Variants in SKIL observed in about 807,000 individuals in gnomAD.
SKIL encodes SKI like proto-oncogene.
SKIL carries 20 observed loss-of-function variants against 69.6 expected under a neutral mutation model. That is an observed-to-expected ratio of 0.29 (90% CI 0.20 to 0.42). The LOEUF is 0.42. Ranked by LOEUF, SKIL falls within the 10% of genes least tolerant of loss-of-function variation. The probability of loss-of-function intolerance (pLI) is 1.00; values close to 1 mark genes in which losing one functional copy is unlikely to be tolerated. For missense variants in SKIL, 745 were observed against 783.1 expected (o/e 0.95, Z 0.58); for synonymous variants, 310 against 279.9 (o/e 1.11, Z -1.08).
Position 170,392,430 on chromosome 3 carries a change from AG to A in SKIL, c.*14del. ...TGCTAAAGAATAGAAACTGTTAAAG[AG>A]ATTCATCTGTGTATTACTGACAAGG... On this transcript the variant is annotated 3_prime_UTR_variant, in exon 7 of 7. Transcript: ENST00000259119. 1 of 1,582,930 alleles carries A rather than the reference AG, an allele frequency of 6.3e-7. No individual in the cohort carries two copies. The highest frequency in any genetic ancestry group is 1.8e-5 in the Admixed American group (1 of 55,758).
At position 170,363,397 on chromosome 3, in the gene SKIL, G is replaced by C. The variant is rs1317895475; in HGVS notation, c.1098+1968G>C. 3.3e-5 allele frequency among the ~76,000 whole-genome samples: 5 copies of C among 152,278 alleles called. No individual in the cohort carries two copies. The South Asian group carries it at 1.0e-3, about 32-fold the overall frequency. Reference sequence around the variant, plus strand: ...ATTTTAGACTCATTTATGGTAGTTTGCTGCTTGCTGCTTCCAGAAGACCAG... The same window carrying C: ...ATTTTAGACTCATTTATGGTAGTTTCCTGCTTGCTGCTTCCAGAAGACCAG... On this transcript the variant is annotated intron_variant, in intron 2 of 6. Transcript: ENST00000259119.
At chr3:170,391,394 CACA>C (rs1737909809) in intron 6 of SKIL, 134 bp downstream of exon 6, 1 of 594,508 alleles carries the variant, frequency 1.7e-6, no homozygotes, top group Admixed American at 3.3e-5. Flanking sequence ...CTCAGCTCCC[CACA>C]ACCTCTGCCT....
chr3:170,387,269 G>A (rs370405815), intron 4 of SKIL, among the ~76,000 whole-genome samples: 2 of 152,002 alleles, frequency 1.3e-5, no homozygotes, highest in African/African-American at 4.8e-5. Context: ...TGATCCACCC[G>A]CCTCGGCCCA....
chr3:170,391,027 A>G lies in SKIL; in HGVS notation c.1672-9A>G. The G allele has an allele frequency of 7.1e-7, 1 of 1,399,010 alleles. No individual in the cohort carries two copies. The highest frequency in any genetic ancestry group is 1.0e-6 in the Non-Finnish European group (1 of 999,518). 86.7% of individuals were successfully genotyped at this position (1,399,010 alleles called of 1,614,324 possible). A position where few individuals can be genotyped will look rare whatever the true frequency, so the allele number is the denominator to read the frequency against. On this transcript the variant is annotated splice_polypyrimidine_tract_variant and intron_variant, in intron 5 of 6. Transcript: ENST00000259119. ...AGTAAAACTTGTATTGTGATTCTTTACATTACAGGAAGTAAAAATGTTGAG... is the reference window on the plus strand; with the variant it reads ...AGTAAAACTTGTATTGTGATTCTTTGCATTACAGGAAGTAAAAATGTTGAG...
intron 2 of SKIL, 112 bp downstream of exon 2, chr3:170,361,541 A>G (rs1487549697): frequency 3.6e-6 from 3 of 824,640 alleles, no homozygotes; most frequent in Non-Finnish European, 5.8e-6. Context: ...TGCAACAACA[A>G]CAAAATACCG....
intron 5 of SKIL, among the ~76,000 whole-genome samples, chr3:170,390,780 C>G (rs1737871992): frequency 2.0e-5 from 3 of 151,994 alleles, no homozygotes; most frequent in African/African-American, 7.3e-5. Context: ...GCGCCCAGCC[C>G]CCCTGTATAT....
intron 2 of SKIL, among the ~76,000 whole-genome samples, chr3:170,365,359 C>G (rs1157846325): frequency 6.6e-6 from 1 of 152,118 alleles, no homozygotes; most frequent in African/African-American, 2.4e-5. Flanking sequence ...GTTGAGCATC[C>G]CAAATCCAAA....
At chr3:170,381,440 T>A (rs1466271664) in intron 3 of SKIL, 99 bp downstream of exon 3, 1 of 643,268 alleles carries the variant, frequency 1.6e-6, no homozygotes, top group African/African-American at 1.8e-5. Context: ...ATTATTTATT[T>A]ATTTTTTTTG....
At chr3:170,383,220 T>C (rs1030780122) in intron 3 of SKIL, among the ~76,000 whole-genome samples, 1 of 152,192 alleles carries the variant, frequency 6.6e-6, no homozygotes, top group Admixed American at 6.5e-5. Context: ...CTGAGTCTTA[T>C]TTACATTTGT....
intron 2 of SKIL, among the ~76,000 whole-genome samples, chr3:170,364,732 T>TA (rs71176561): frequency 3.0e-4 from 44 of 147,480 alleles, no homozygotes; most frequent in East Asian, 1.2e-3. Context: ...GATAAAGGTT[T>TA]AAAAAAAAAA....
chr3:170,391,263 A>G lies in SKIL; in HGVS notation c.1896+3A>G, dbSNP rs1427272097. ...AAGAGGCTGAATATGCAGGACAGGT[A>G]AGAATTACTGTTTGTATAATGGTGC... On this transcript the variant is annotated splice_donor_region_variant and intron_variant, in intron 6 of 6. Coordinates refer to ENST00000259119, the MANE Select transcript of SKIL (RefSeq NM_005414.5). 1 of 1,521,218 alleles carries G rather than the reference A, an allele frequency of 6.6e-7. No individual in the cohort carries two copies. The highest frequency in any genetic ancestry group is 1.7e-5 in the Admixed American group (1 of 57,790). 94.2% of individuals were successfully genotyped at this position (1,521,218 alleles called of 1,614,324 possible).
At chr3:170,375,136 A>G (rs1736971803) in intron 2 of SKIL, among the ~76,000 whole-genome samples, 1 of 152,232 alleles carries the variant, frequency 6.6e-6, no homozygotes, top group African/African-American at 2.4e-5. Context: ...CTGCGTAGCC[A>G]CTTAACAGGG....
At chr3:170,363,551 T>C (rs367971783) in intron 2 of SKIL, among the ~76,000 whole-genome samples, 47 of 152,126 alleles carry the variant, frequency 3.1e-4, no homozygotes, top group African/African-American at 1.1e-3. Context: ...AGTGGCGCGA[T>C]CTTGGCAGAT....
At chr3:170,378,152 A>G (rs1449347407) in intron 2 of SKIL, among the ~76,000 whole-genome samples, 6 of 152,066 alleles carry the variant, frequency 3.9e-5, no homozygotes, top group South Asian at 2.1e-4. Flanking sequence ...TGGCCTCCCA[A>G]AGTGCTGGGA....
intron 4 of SKIL, among the ~76,000 whole-genome samples, chr3:170,386,034 C>T (rs796943216): frequency 1.1e-4 from 16 of 151,816 alleles, no homozygotes; most frequent in Middle Eastern, 3.5e-3. Context: ...TCAGGTGATC[C>T]GCCTGCCTCG....
At chr3:170,374,414 A>G (rs374173087) in intron 2 of SKIL, among the ~76,000 whole-genome samples, 4 of 152,176 alleles carry the variant, frequency 2.6e-5, no homozygotes, top group African/African-American at 9.7e-5. Context: ...AACTTAAGCT[A>G]CTAAATGATC....
Position 170,360,953 on chromosome 3 carries a change from C to G in SKIL, c.622C>G (p.Leu208Val). Residue 208 changes from leucine to valine, a missense_variant, in exon 2 of 7, where the codon CTG (leucine) becomes GTG (valine). Physicochemically the swap from Leu to Val is conservative, Grantham distance 32. Coordinates refer to ENST00000259119, the MANE Select transcript of SKIL (RefSeq NM_005414.5). ...AGACCAGCTTCATATCTTAAAGGTA[C>G]TGGGCATACTTCCATTCAATGCCCC... is the stretch of plus-strand genomic sequence containing the variant. ...TSDQLHILKV[L>V]GILPFNAPSC... 3 of 1,614,180 alleles carry G rather than the reference C, an allele frequency of 1.9e-6. No individual in the cohort carries two copies. Among genetic ancestry groups the G allele is most frequent in the Non-Finnish European group, 2.5e-6 (3 of 1,180,028 alleles).
intron 4 of SKIL, among the ~76,000 whole-genome samples, chr3:170,385,809 C>CT (rs562437463): frequency 1.3e-3 from 186 of 141,932 alleles, no homozygotes; most frequent in African/African-American, 1.4e-3. Flanking sequence ...TCTTTTTTTT[C>CT]TTTTTTTTTT....
chr3:170,360,239 C>A lies in SKIL; in HGVS notation c.-93C>A. ...AAGTTTGAGAGTAAGTTACGATAGG[C>A]ATTTGTATCCATTCATTACTTTCCT... On this transcript the variant is annotated 5_prime_UTR_variant, in exon 2 of 7. Transcript: ENST00000259119. 8.3e-7 allele frequency: 1 copy of A among 1,198,374 alleles called. No individual in the cohort carries two copies. The highest frequency in any genetic ancestry group is 1.2e-6 in the Non-Finnish European group (1 of 859,488). 74.2% of individuals were successfully genotyped at this position (1,198,374 alleles called of 1,614,324 possible). A position where few individuals can be genotyped will look rare whatever the true frequency, so the allele number is the denominator to read the frequency against.
Sources: allele counts gnomAD v4.1 joint callset (sites outside exome capture counted in the v4.1 genomes callset), GRCh38; gene constraint gnomAD v4.1.1; transcripts MANE v1.5; gene names NCBI Gene and HGNC (gene_info 2026-07-23, HGNC 2026-07-21).